Variants in MYO5B observed in about 807,000 individuals in gnomAD.
The protein encoded by MYO5B is unconventional myosin-Vb.
In MYO5B, 143 loss-of-function variants were observed where a neutral mutation model predicts 229.3. The observed-to-expected ratio is 0.62, with a 90% confidence interval of 0.54 to 0.72. MYO5B has a LOEUF of 0.72. MYO5B is among the 30% of genes least tolerant of loss of function. MYO5B has a pLI of 0.00. For missense variants in MYO5B, 2,321 were observed against 2,331.0 expected (o/e 1.00, Z 0.09); for synonymous variants, 918 against 885.2 (o/e 1.04, Z -0.66).
intron 4 of MYO5B, among the ~76,000 whole-genome samples, chr18:50,013,228 A>G (rs934015237): frequency 2.0e-5 from 3 of 152,224 alleles, no homozygotes; most frequent in African/African-American, 7.2e-5. Flanking sequence ...TGCTGACCTC[A>G]GAAACATCTC....
intron 1 of MYO5B, among the ~76,000 whole-genome samples, chr18:50,084,823 C>G (rs1295362711): frequency 6.6e-6 from 1 of 152,168 alleles, no homozygotes. Context: ...AAAGGATTCC[C>G]TATTTAATAA....
intron 21 of MYO5B, 105 bp from the exon 22 acceptor site, chr18:49,895,279 A>G: frequency 1.1e-6 from 1 of 918,672 alleles, no homozygotes; most frequent in Non-Finnish European, 1.7e-6. Context: ...GGAACTTCCA[A>G]GGTAGGATTA....
intron 1 of MYO5B, among the ~76,000 whole-genome samples, chr18:50,149,188 T>A (rs1223651191): frequency 6.6e-6 from 1 of 152,088 alleles, no homozygotes; most frequent in Non-Finnish European, 1.5e-5. Context: ...TCAAAGAGGA[T>A]ACAAACAAAT....
chr18:50,026,136 C>T (rs1380958413), intron 4 of MYO5B, among the ~76,000 whole-genome samples: 1 of 152,188 alleles, frequency 6.6e-6, no homozygotes, highest in Non-Finnish European at 1.5e-5. Flanking sequence ...ACTGCAAGCA[C>T]CAGAAGGGAC....
In MYO5B at chr18:50,074,860, G is replaced by A. The variant is rs573467045; in HGVS notation, c.28-19482C>T. 7.9e-5 allele frequency among the ~76,000 whole-genome samples: 12 copies of A among 152,036 alleles called. 1 individual carries two copies. The South Asian group carries it at 1.2e-3, about 16-fold the overall frequency. On this transcript the variant is annotated intron_variant, in intron 1 of 39. Transcript: ENST00000285039. ...TTTTGAGATGGAGTCTCACTCTGTC[G>A]CCCGGGCTGGAGTGCAGTGGCATGA...
At chr18:50,017,434 T>C (rs1305222146) in intron 4 of MYO5B, among the ~76,000 whole-genome samples, 1 of 152,222 alleles carries the variant, frequency 6.6e-6, no homozygotes, top group Non-Finnish European at 1.5e-5. Flanking sequence ...TACCTTAGCA[T>C]AATTTTTCAA....
intron 1 of MYO5B, among the ~76,000 whole-genome samples, chr18:50,109,767 G>C (rs1001395375): frequency 3.3e-5 from 5 of 152,254 alleles, no homozygotes; most frequent in Admixed American, 2.6e-4. Flanking sequence ...GTAGGCAAAG[G>C]CACCCTCATC....
Position 49,953,662 on chromosome 18 carries a change from T to C in MYO5B, c.1669-319A>G, listed in dbSNP as rs144061093. ...GTATTTTAACAAGACCCTAGGTGATTCATACACACACTGCAATTTAAGAAA... is the reference window on the plus strand; with the variant it reads ...GTATTTTAACAAGACCCTAGGTGATCCATACACACACTGCAATTTAAGAAA... On this transcript the variant is annotated intron_variant, in intron 13 of 39. Coordinates refer to ENST00000285039, the MANE Select transcript of MYO5B (RefSeq NM_001080467.3). 6.0e-4 allele frequency among the ~76,000 whole-genome samples: 91 copies of C among 152,260 alleles called. No individual in the cohort carries two copies. The East Asian group carries it at 0.014, about 24-fold the overall frequency.
At position 49,974,367 on chromosome 18, in the gene MYO5B, C is replaced by A; in HGVS notation, c.1305G>T (p.Gly435=). ...AGGCCTACCCATAGATGTCCAGGACCCCGATGAAGGAGTGCTGCTTGAGGG... is the reference window on the plus strand; with the variant it reads ...AGGCCTACCCATAGATGTCCAGGACACCGATGAAGGAGTGCTGCTTGAGGG... ...HTSLKQHSFI[G]VLDIYGFETF... Residue 435 remains glycine (G), a synonymous_variant, in exon 10 of 40, where the codon GGG becomes GGT. Transcript: ENST00000285039. 6.2e-7 allele frequency: 1 copy of A among 1,614,174 alleles called. No individual in the cohort carries two copies. The highest frequency in any genetic ancestry group is 8.5e-7 in the Non-Finnish European group (1 of 1,180,014).
At chr18:50,159,415 C>A (rs1162117406) in intron 1 of MYO5B, among the ~76,000 whole-genome samples, 1 of 152,196 alleles carries the variant, frequency 6.6e-6, no homozygotes, top group African/African-American at 2.4e-5. Context: ...CCTTCTTCAA[C>A]CCTCACACCC....
At chr18:49,890,377 CT>C (rs66796158) in intron 22 of MYO5B, among the ~76,000 whole-genome samples, 88,214 of 151,868 alleles carry the variant, frequency 0.58, 25,759 homozygotes, top group Middle Eastern at 0.67. Context: ...TTTTTTTGGA[CT>C]GGGGGAGTGG....
intron 20 of MYO5B, among the ~76,000 whole-genome samples, chr18:49,903,608 C>A (rs1042301560): frequency 6.6e-6 from 1 of 152,292 alleles, no homozygotes; most frequent in Non-Finnish European, 1.5e-5. Context: ...TGTGCTCCAC[C>A]CTGACCACAT....
At position 50,007,739 on chromosome 18, in the gene MYO5B, A is replaced by G. The variant is rs553465568; in HGVS notation, c.456-6328T>C. The stretch of plus-strand genomic sequence containing the variant: ...CACAGCTCTTAATGCCTGGTACTCA[A>G]TCACATCCTGCCTTATGGCAGCTCA... On this transcript the variant is annotated intron_variant, in intron 4 of 39. Transcript: ENST00000285039. 3.3e-5 allele frequency among the ~76,000 whole-genome samples: 5 copies of G among 152,242 alleles called. No individual in the cohort carries two copies. The South Asian group carries it at 1.0e-3, about 32-fold the overall frequency.
chr18:50,045,500 C>T (rs2030198839), intron 2 of MYO5B, among the ~76,000 whole-genome samples: 1 of 152,126 alleles, frequency 6.6e-6, no homozygotes, highest in African/African-American at 2.4e-5. Flanking sequence ...CTCAAGTGAT[C>T]CTCCTGCCTC....
chr18:50,014,826 AG>A (rs780992277), intron 4 of MYO5B, among the ~76,000 whole-genome samples: 40 of 152,234 alleles, frequency 2.6e-4, no homozygotes, highest in Non-Finnish European at 4.7e-4. Flanking sequence ...TTTACCGCAC[AG>A]CTCCCTTGCG....
intron 14 of MYO5B, among the ~76,000 whole-genome samples, chr18:49,942,183 A>C (rs200688108): frequency 3.0e-4 from 45 of 151,628 alleles, no homozygotes; most frequent in East Asian, 2.1e-3. Flanking sequence ...TACAAAAATT[A>C]ATTCAAGTTG....
At chr18:50,005,940 G>A (rs1320651928) in intron 4 of MYO5B, among the ~76,000 whole-genome samples, 1 of 152,176 alleles carries the variant, frequency 6.6e-6, no homozygotes, top group Admixed American at 6.5e-5. Flanking sequence ...AGCTTGTAAA[G>A]TCCCCCATTA....
At chr18:50,054,597 G>A (rs532257583) in intron 2 of MYO5B, among the ~76,000 whole-genome samples, 1 of 152,276 alleles carries the variant, frequency 6.6e-6, no homozygotes, top group South Asian at 2.1e-4. Flanking sequence ...AGGCTCATGA[G>A]AAGGTAAACT....
At chr18:49,944,987 C>T (rs958686348) in intron 14 of MYO5B, among the ~76,000 whole-genome samples, 7 of 152,202 alleles carry the variant, frequency 4.6e-5, no homozygotes, top group Admixed American at 4.6e-4. Context: ...TTTGATCCTA[C>T]CCGACCTCTT....
Sources: gnomAD v4.1 joint callset for allele counts (sites outside exome capture counted in the v4.1 genomes callset) on GRCh38, gnomAD v4.1.1 for gene constraint, MANE v1.5 for transcripts, NCBI Gene and HGNC (gene_info 2026-07-23, HGNC 2026-07-21) for gene names.